Variants in PPP1R3A observed in about 807,000 individuals in gnomAD.
PPP1R3A encodes protein phosphatase 1 regulatory subunit 3A.
PPP1R3A carries 29 observed loss-of-function variants against 41.7 expected under a neutral mutation model. That is an observed-to-expected ratio of 0.70 (90% CI 0.52 to 0.95). PPP1R3A has a LOEUF of 0.95. Among genes scored for constraint, PPP1R3A ranks in the 40% least tolerant of loss-of-function variants. PPP1R3A has a pLI of 0.00. For missense variants in PPP1R3A, 1,352 were observed against 1,292.4 expected, an observed-to-expected ratio of 1.05 and a Z score of -0.71; for synonymous variants, 485 against 453.4, an observed-to-expected ratio of 1.07 and a Z score of -0.89.
At chr7:113,917,474 AGG>A (rs1377421781) in intron 1 of PPP1R3A, among the ~76,000 whole-genome samples, 1 of 152,184 alleles carries the variant, frequency 6.6e-6, no homozygotes, top group Admixed American at 6.6e-5. Context: ...GTTACTAATG[AGG>A]GGTCACATCC....
In PPP1R3A at chr7:113,891,094, A is replaced by C. The variant is rs1028885814; in HGVS notation, c.783-8774T>G. Among the ~76,000 whole-genome samples the C allele has an allele frequency of 1.5e-3, 223 of 148,402 alleles. 3 individuals carry two copies. Among genetic ancestry groups the C allele is most frequent in the East Asian group, 3.6e-3 (18 of 5,064 alleles). Reference sequence around the variant, plus strand: ...GTGGTGGAAAAAAAGCAAAAAAAAAAAAAAAAAAAAAAAAAAAAAACCCTG... The same window carrying C: ...GTGGTGGAAAAAAAGCAAAAAAAAACAAAAAAAAAAAAAAAAAAAACCCTG... On this transcript the variant is annotated intron_variant, in intron 1 of 3. Coordinates refer to ENST00000284601, the MANE Select transcript of PPP1R3A (RefSeq NM_002711.4).
intron 1 of PPP1R3A, among the ~76,000 whole-genome samples, chr7:113,902,001 T>G (rs1797069642): frequency 6.6e-6 from 1 of 151,926 alleles, no homozygotes; most frequent in Non-Finnish European, 1.5e-5. Context: ...TCATAACTTT[T>G]AGAAAACAAG....
intron 1 of PPP1R3A, among the ~76,000 whole-genome samples, chr7:113,889,259 G>A (rs1325093920): frequency 6.6e-6 from 1 of 152,070 alleles, no homozygotes; most frequent in Non-Finnish European, 1.5e-5. Context: ...AAACCCAGTT[G>A]CCCTGCTTCT....
Position 113,896,602 on chromosome 7 carries a change from G to A in PPP1R3A, c.783-14282C>T, listed in dbSNP as rs1796980112. The stretch of plus-strand genomic sequence containing the variant: ...AATTAGCAGTTGAATAATTTGGACT[G>A]AAGGTGGGTGGGGAAAACATAGTGG... On this transcript the variant is annotated intron_variant, in intron 1 of 3. Coordinates refer to ENST00000284601, the MANE Select transcript of PPP1R3A (RefSeq NM_002711.4). Among the ~76,000 whole-genome samples the A allele has an allele frequency of 3.3e-5, 5 of 151,976 alleles. No individual in the cohort carries two copies. The South Asian group carries it at 1.0e-3, about 31-fold the overall frequency.
In PPP1R3A at chr7:113,879,099, A is replaced by T. The variant is rs138476822; in HGVS notation, c.1993T>A (p.Ser665Thr). ...SWNVLESQGK[S>T]RENKTNITEH... The stretch of plus-strand genomic sequence containing the variant: ...GTTATGTTTGTCTTATTCTCTCTTG[A>T]TTTTCCCTGACTTTCCAGAACATTC... Residue 665 changes from serine (S) to threonine (T), a missense_variant, in exon 4 of 4, where the codon TCA (serine) becomes ACA (threonine). Physicochemically the swap from Ser to Thr is moderately conservative, Grantham distance 58 (BLOSUM62 1). Transcript: ENST00000284601. 6.2e-7 allele frequency: 1 copy of T among 1,613,362 alleles called. No individual in the cohort carries two copies. The highest frequency in any genetic ancestry group is 1.3e-5 in the African/African-American group (1 of 74,768).
In PPP1R3A at chr7:113,877,700, A is replaced by G. The variant is rs1796590721; in HGVS notation, c.*23T>C. ...TTTGGGGTTAAATAGCTTATCTTTT[A>G]AGAGAGAATAGTAGTGCTGAGGTTA... On this transcript the variant is annotated 3_prime_UTR_variant, in exon 4 of 4. Coordinates refer to ENST00000284601, the MANE Select transcript of PPP1R3A (RefSeq NM_002711.4). The G allele has an allele frequency of 6.6e-7, 1 of 1,521,370 alleles. No individual in the cohort carries two copies. Among genetic ancestry groups the G allele is most frequent in the Admixed American group, 2.2e-5 (1 of 44,494 alleles). 94.2% of individuals were successfully genotyped at this position (1,521,370 alleles called of 1,614,324 possible). A position where few individuals can be genotyped will look rare whatever the true frequency, so the allele number is the denominator to read the frequency against.
intron 1 of PPP1R3A, among the ~76,000 whole-genome samples, chr7:113,892,603 G>A (rs542258668): frequency 1.3e-5 from 2 of 152,102 alleles, no homozygotes; most frequent in African/African-American, 4.8e-5. Context: ...AAGTGGAAGA[G>A]GAACATTTGA....
intron 1 of PPP1R3A, among the ~76,000 whole-genome samples, chr7:113,890,279 G>C (rs1796857908): frequency 6.6e-6 from 1 of 152,120 alleles, no homozygotes; most frequent in Non-Finnish European, 1.5e-5. Flanking sequence ...ATGCTATTCA[G>C]GGGCCAGAAA....
chr7:113,906,008 T>C (rs1420629344), intron 1 of PPP1R3A, among the ~76,000 whole-genome samples: 1 of 151,826 alleles, frequency 6.6e-6, no homozygotes, highest in Non-Finnish European at 1.5e-5. Flanking sequence ...CTTGAACTTA[T>C]AGAAAAGTAA....
chr7:113,880,037 T>G lies in PPP1R3A; in HGVS notation c.1055A>C (p.Lys352Thr). ...FSTDPVNFPN[K>T]AEGLEKKQIH... is the part of the protein sequence containing the mutation. ...TTGCTTCTTCTCTAACCCCTCTGCT[T>G]TATTTGGAAAATTGACTGGATCTGT... is the stretch of plus-strand genomic sequence containing the variant. Residue 352 changes from lysine (K) to threonine (T), a missense_variant, in exon 4 of 4, where the codon AAA becomes ACA. Lys to Thr is a moderately conservative substitution (Grantham distance 78, BLOSUM62 -1). Coordinates refer to ENST00000284601, the MANE Select transcript of PPP1R3A (RefSeq NM_002711.4). 1.2e-6 allele frequency: 2 copies of G among 1,611,244 alleles called. No individual in the cohort carries two copies. Among genetic ancestry groups the G allele is most frequent in the Non-Finnish European group, 1.7e-6 (2 of 1,177,758 alleles).
chr7:113,890,552 T>C (rs1796863379), intron 1 of PPP1R3A, among the ~76,000 whole-genome samples: 1 of 152,112 alleles, frequency 6.6e-6, no homozygotes, highest in Non-Finnish European at 1.5e-5. Flanking sequence ...CCTCTTTACA[T>C]CTCAAACTTT....
At position 113,906,209 on chromosome 7, in the gene PPP1R3A, AT is replaced by A. The variant is rs1380405723; in HGVS notation, c.782+12005del. On this transcript the variant is annotated intron_variant, in intron 1 of 3. Coordinates refer to ENST00000284601, the MANE Select transcript of PPP1R3A (RefSeq NM_002711.4). The stretch of plus-strand genomic sequence containing the variant: ...TTACAATGATTGTGTTCAATTATCT[AT>A]TAATTTTTATTCAATTTAGACAACA... Among the ~76,000 whole-genome samples the A allele has an allele frequency of 5.9e-5, 9 of 151,944 alleles. No homozygotes were observed. The East Asian group carries it at 1.8e-3, about 30-fold the overall frequency.
chr7:113,898,070 C>T (rs749512101), intron 1 of PPP1R3A, among the ~76,000 whole-genome samples: 18 of 151,698 alleles, frequency 1.2e-4, no homozygotes, highest in Admixed American at 1.3e-4. Flanking sequence ...GGACTCAATC[C>T]GTCTATTGGA....
At chr7:113,913,006 C>T (rs573433537) in intron 1 of PPP1R3A, among the ~76,000 whole-genome samples, 1 of 152,158 alleles carries the variant, frequency 6.6e-6, no homozygotes, top group South Asian at 2.1e-4. Context: ...CTTGGTGGAC[C>T]TCCAAGGAAA....
intron 1 of PPP1R3A, among the ~76,000 whole-genome samples, chr7:113,906,887 G>A (rs1797156963): frequency 6.6e-6 from 1 of 151,746 alleles, no homozygotes; most frequent in Non-Finnish European, 1.5e-5. Context: ...GATGAATGAT[G>A]TAGGCATTAA....
At chr7:113,888,361 C>T (rs1170733369) in intron 1 of PPP1R3A, among the ~76,000 whole-genome samples, 2 of 151,976 alleles carry the variant, frequency 1.3e-5, no homozygotes, top group African/African-American at 4.8e-5. Context: ...ACATTTCAGG[C>T]ACAAAATGAT....
In PPP1R3A at chr7:113,879,295, C is replaced by A. The variant is rs538196346; in HGVS notation, c.1797G>T (p.Glu599Asp). 1 of 1,613,648 alleles carries A rather than the reference C, an allele frequency of 6.2e-7. No individual in the cohort carries two copies. Among genetic ancestry groups the A allele is most frequent in the Non-Finnish European group, 8.5e-7 (1 of 1,179,742 alleles). Residue 599 changes from glutamate to aspartate, a missense_variant, in exon 4 of 4, where the codon GAG becomes GAT. Glu to Asp is a conservative substitution (Grantham distance 45). Transcript: ENST00000284601. ...LSWEEAVLTP[E>D]HHHLTSEGSA... ...TGCCTTCACTAGTCAAATGATGATG[C>A]TCTGGGGTTAACACAGCTTCTTCCC...
chr7:113,879,879 A>T lies in PPP1R3A; in HGVS notation c.1213T>A (p.Ser405Thr). 6.2e-7 allele frequency: 1 copy of T among 1,613,538 alleles called. No homozygotes were observed. Among genetic ancestry groups the T allele is most frequent in the Non-Finnish European group, 8.5e-7 (1 of 1,179,696 alleles). The change falls in exon 4 of 4, where the codon TCA (serine) becomes ACA (threonine). Residue 405 changes from serine (S) to threonine (T), a missense_variant. Coordinates refer to ENST00000284601, the MANE Select transcript of PPP1R3A (RefSeq NM_002711.4). ...SSGDDCTHQPSEETTSNMGEI... is the reference protein window; with the variant it reads ...SSGDDCTHQPTEETTSNMGEI... ...CCCATATTTGAAGTAGTTTCCTCTG[A>T]AGGTTGATGTGTACAGTCATCTCCT...
At chr7:113,885,253 G>A (rs1471175442) in intron 1 of PPP1R3A, among the ~76,000 whole-genome samples, 4 of 152,030 alleles carry the variant, frequency 2.6e-5, no homozygotes, top group African/African-American at 9.7e-5. Flanking sequence ...TCACCATGTT[G>A]CCAGGCTAGC....
Sources: allele counts gnomAD v4.1 joint callset (sites outside exome capture counted in the v4.1 genomes callset), GRCh38; gene constraint gnomAD v4.1.1; transcripts MANE v1.5; gene names NCBI Gene and HGNC (gene_info 2026-07-23, HGNC 2026-07-21).